The following KIF5C variants were observed in gnomAD, a reference collection of about 807,000 sequenced individuals.
KIF5C encodes kinesin family member 5C.
KIF5C carries 18 observed loss-of-function variants against 125.2 expected under a neutral mutation model. The observed-to-expected ratio is 0.14, with a 90% CI of 0.10 to 0.21. The LOEUF (loss-of-function observed/expected upper bound fraction) is 0.21. Ranked by LOEUF, KIF5C falls within the 10% of genes least tolerant of loss-of-function variation. KIF5C has a pLI of 1.00. For missense variants in KIF5C, 780 were observed against 1,183.8 expected (o/e 0.66, Z 5.01); for synonymous variants, 405 against 434.0 (o/e 0.93, Z 0.83).
chr2:148,975,665 A>G (rs1261977037), intron 12 of KIF5C, among the ~76,000 whole-genome samples: 1 of 152,218 alleles, frequency 6.6e-6, no homozygotes, highest in Non-Finnish European at 1.5e-5. Context: ...CTGCCCCGCC[A>G]GGGCTCCAAG....
At chr2:148,986,841 A>G (rs982800557) in intron 15 of KIF5C, among the ~76,000 whole-genome samples, 8 of 152,186 alleles carry the variant, frequency 5.3e-5, no homozygotes, top group African/African-American at 1.9e-4. Context: ...CATGTCTTGA[A>G]ACATTTCCAG....
intron 11 of KIF5C, among the ~76,000 whole-genome samples, chr2:148,970,855 A>G (rs1680880053): frequency 6.6e-6 from 1 of 152,208 alleles, no homozygotes. Context: ...CTCTTTGGCC[A>G]TTTGAAACCA....
intron 15 of KIF5C, among the ~76,000 whole-genome samples, chr2:148,987,220 C>T (rs895654818): frequency 6.6e-6 from 1 of 152,132 alleles, no homozygotes; most frequent in African/African-American, 2.4e-5. Flanking sequence ...GAAGGAGTGG[C>T]ATGTGCATGT....
At position 149,012,813 on chromosome 2, in the gene KIF5C, G is replaced by A. The variant is rs565832767; in HGVS notation, c.*7+1130G>A. On this transcript the variant is annotated intron_variant, in intron 25 of 25. Coordinates refer to ENST00000435030, the MANE Select transcript of KIF5C (RefSeq NM_004522.3). The stretch of plus-strand genomic sequence containing the variant: ...CAGGAAAATGGGAAATGGTCTTGGC[G>A]GTGGGCCACCCCATTCCTATCTAAT... 5.3e-5 allele frequency among the ~76,000 whole-genome samples: 8 copies of A among 152,378 alleles called. 1 individual carries two copies. The highest frequency in any genetic ancestry group is 2.9e-5 in the Non-Finnish European group (2 of 68,040).
chr2:148,943,884 A>G lies in KIF5C; in HGVS notation c.589+1124A>G, dbSNP rs574081049. Among the ~76,000 whole-genome samples, 97 of 152,334 alleles carry G rather than the reference A, an allele frequency of 6.4e-4. 2 individuals carry two copies. Among genetic ancestry groups the G allele is most frequent in the South Asian group, 3.5e-3 (17 of 4,832 alleles). On this transcript the variant is annotated intron_variant, in intron 7 of 25. Coordinates refer to ENST00000435030, the MANE Select transcript of KIF5C (RefSeq NM_004522.3). Reference sequence around the variant, plus strand: ...GATATTCATGTATATAGCAACTTTCATAGGTGAGCCTATTCCTGGATGAAA... The same window carrying G: ...GATATTCATGTATATAGCAACTTTCGTAGGTGAGCCTATTCCTGGATGAAA...
At chr2:148,971,453 C>T (rs1443293034) in intron 11 of KIF5C, among the ~76,000 whole-genome samples, 2 of 152,142 alleles carry the variant, frequency 1.3e-5, no homozygotes, top group Non-Finnish European at 1.5e-5. Context: ...ATCCAGTCTG[C>T]ACACTAAGGT....
At position 149,024,972 on chromosome 2, in the gene KIF5C, A is replaced by C. The variant is rs1682647640; in HGVS notation, c.*1902A>C. ...AACATTGGTGTTTGAGAGGATTGCC[A>C]ATTATTAATTGTCATTACCACTACT... On this transcript the variant is annotated 3_prime_UTR_variant, in exon 26 of 26. Transcript: ENST00000435030. 1 of 152,202 alleles carries C rather than the reference A, an allele frequency of 6.6e-6. No homozygotes were observed. The highest frequency in any genetic ancestry group is 1.5e-5 in the Non-Finnish European group (1 of 68,034). 9.4% of individuals were successfully genotyped at this position (152,202 alleles called of 1,614,324 possible).
At chr2:148,940,659 A>G (rs1682388938) in intron 4 of KIF5C, among the ~76,000 whole-genome samples, 1 of 152,202 alleles carries the variant, frequency 6.6e-6, no homozygotes, top group South Asian at 2.1e-4. Context: ...TCCCTTGTTT[A>G]GATTTCAAAA....
chr2:148,876,394 C>T lies in KIF5C; in HGVS notation c.126+651C>T, dbSNP rs1026620243. 6.6e-6 allele frequency among the ~76,000 whole-genome samples: 1 copy of T among 152,130 alleles called. No individual in the cohort carries two copies. Among genetic ancestry groups the T allele is most frequent in the African/African-American group, 2.4e-5 (1 of 41,454 alleles). On this transcript the variant is annotated intron_variant, in intron 1 of 25. Transcript: ENST00000435030. The surrounding 1 kb of genome is among the most constrained non-coding windows in gnomAD (Gnocchi z 4.7). ...CCGCTTCCTCTCACGCCTGGCTGCC[C>T]TGGATGTGGAGTCCCGGCTTGATCC... is the stretch of plus-strand genomic sequence containing the variant.
In KIF5C at chr2:148,981,428, C is replaced by G; in HGVS notation, c.1436C>G (p.Ala479Gly). Residue 479 changes from alanine (A) to glycine (G), a missense_variant, in exon 14 of 26, where the codon GCA becomes GGA. Coordinates refer to ENST00000435030, the MANE Select transcript of KIF5C (RefSeq NM_004522.3). ...ELTRLQIENE[A>G]AKDEVKEVLQ... ...ACACGTCTCCAGATTGAAAATGAGG[C>G]AGCCAAGGATGAGGTGAAAGAAGTT... 6.2e-7 allele frequency: 1 copy of G among 1,610,372 alleles called. No homozygotes were observed. Among genetic ancestry groups the G allele is most frequent in the Non-Finnish European group, 8.5e-7 (1 of 1,178,428 alleles).
At chr2:148,986,452 G>C (rs1001297697) in intron 15 of KIF5C, among the ~76,000 whole-genome samples, 1 of 151,726 alleles carries the variant, frequency 6.6e-6, no homozygotes, top group African/African-American at 2.4e-5. Flanking sequence ...TACTTCTTTG[G>C]GCTTCATTTT....
At chr2:148,937,697 C>T (rs1400791813) in intron 4 of KIF5C, among the ~76,000 whole-genome samples, 1 of 152,194 alleles carries the variant, frequency 6.6e-6, no homozygotes. Context: ...GTTAGGGCAG[C>T]ATTTTCCAAA....
chr2:148,962,306 C>G (rs1003874687), intron 11 of KIF5C, among the ~76,000 whole-genome samples, 187 bp downstream of exon 11: 1 of 151,798 alleles, frequency 6.6e-6, no homozygotes, highest in African/African-American at 2.4e-5. Context: ...GCTGGGATTA[C>G]AGGCGTGCAC....
chr2:149,001,227 T>C (rs749626561), intron 21 of KIF5C, among the ~76,000 whole-genome samples: 1 of 152,218 alleles, frequency 6.6e-6, no homozygotes, highest in Non-Finnish European at 1.5e-5. Context: ...TCTTGCACTC[T>C]ATCAGATTGC....
chr2:148,927,767 C>G (rs963585164), intron 2 of KIF5C, among the ~76,000 whole-genome samples: 2 of 152,090 alleles, frequency 1.3e-5, no homozygotes, highest in Non-Finnish European at 2.9e-5. Flanking sequence ...TTTGTGAAAA[C>G]TGAAGCTTGA....
intron 8 of KIF5C, among the ~76,000 whole-genome samples, chr2:148,947,738 G>GC (rs1682552205): frequency 6.6e-6 from 1 of 152,202 alleles, no homozygotes; most frequent in Admixed American, 6.5e-5. Flanking sequence ...GGCTTCTGCT[G>GC]CCACACCCTG....
intron 15 of KIF5C, among the ~76,000 whole-genome samples, chr2:148,986,149 C>A (rs1047805188): frequency 2.0e-5 from 3 of 152,066 alleles, no homozygotes; most frequent in African/African-American, 4.8e-5. Flanking sequence ...ATGCTAAGTT[C>A]TAAAATAGAG....
intron 13 of KIF5C, among the ~76,000 whole-genome samples, chr2:148,980,407 G>A (rs1024970561): frequency 6.6e-6 from 1 of 152,210 alleles, no homozygotes; most frequent in East Asian, 1.9e-4. Context: ...GGCAGTATCT[G>A]TTCAATATAG....
At chr2:148,963,001 T>C (rs1682966003) in intron 11 of KIF5C, among the ~76,000 whole-genome samples, 1 of 152,098 alleles carries the variant, frequency 6.6e-6, no homozygotes, top group South Asian at 2.1e-4. Flanking sequence ...CAAAACATTT[T>C]CTTTGGTTTG....
Sources: allele counts gnomAD v4.1 joint callset (sites outside exome capture counted in the v4.1 genomes callset), GRCh38; gene constraint gnomAD v4.1.1; non-coding constraint Gnocchi (gnomAD v3.1); transcripts MANE v1.5; gene names NCBI Gene and HGNC (gene_info 2026-07-23, HGNC 2026-07-21).